The following CDK7 variants were observed in gnomAD, a reference collection of about 807,000 sequenced individuals.
The protein encoded by CDK7 is cyclin dependent kinase 7.
In CDK7, 25 loss-of-function variants were observed where a neutral mutation model predicts 49.1. The ratio of observed to expected loss-of-function variants is 0.51; its 90% confidence interval spans 0.37 to 0.71. The LOEUF is 0.71. Ranked by LOEUF, CDK7 falls within the 30% of genes least tolerant of loss-of-function variation. The pLI is 0.00. For synonymous variants in CDK7, 107 were observed against 140.0 expected, an observed-to-expected ratio of 0.76 and a Z score of 1.67; for missense variants, 316 against 411.7, an observed-to-expected ratio of 0.77 and a Z score of 2.01.
chr5:69,250,673 A>G, intron 2 of CDK7: 1 of 456,098 alleles, frequency 2.2e-6, no homozygotes, highest in South Asian at 1.5e-5. Context: ...GCTCTTCCCC[A>G]GGGCAACCAA....
intron 4 of CDK7, 60 bp downstream of exon 4, chr5:69,254,729 A>G: frequency 1.1e-6 from 1 of 889,180 alleles, no homozygotes; most frequent in Admixed American, 1.9e-5. Context: ...AATATAATGG[A>G]TGTTGATTAA....
chr5:69,269,654 T>A (rs964740459), intron 9 of CDK7, among the ~76,000 whole-genome samples: 1 of 152,092 alleles, frequency 6.6e-6, no homozygotes, highest in African/African-American at 2.4e-5. Flanking sequence ...ATACACGGTG[T>A]GAAGCCATTA....
intron 2 of CDK7, among the ~76,000 whole-genome samples, chr5:69,243,290 A>G (rs933575805): frequency 1.3e-5 from 2 of 152,244 alleles, no homozygotes; most frequent in Admixed American, 1.3e-4. Context: ...AAGAAAGACT[A>G]GAAAGACTAA....
intron 2 of CDK7, among the ~76,000 whole-genome samples, chr5:69,250,516 A>AG (rs1368322363): frequency 8.5e-5 from 13 of 152,306 alleles, no homozygotes; most frequent in African/African-American, 2.9e-4. Flanking sequence ...CTTAAGGCCC[A>AG]GGGCTCCTCA....
chr5:69,276,369 G>A (rs1276818814), intron 10 of CDK7, among the ~76,000 whole-genome samples, 174 bp from the exon 11 acceptor site: 1 of 152,138 alleles, frequency 6.6e-6, no homozygotes, highest in Non-Finnish European at 1.5e-5. Context: ...AGGATCCTAG[G>A]TATTTATTTG....
intron 8 of CDK7, among the ~76,000 whole-genome samples, chr5:69,263,538 TAAAAA>T (rs929134803): frequency 2.0e-5 from 3 of 151,762 alleles, no homozygotes; most frequent in South Asian, 4.1e-4. Flanking sequence ...TCTCTTAAAA[TAAAAA>T]AAAGTAAATT....
intron 8 of CDK7, among the ~76,000 whole-genome samples, chr5:69,264,113 G>C (rs1489429857): frequency 6.6e-6 from 1 of 151,992 alleles, no homozygotes; most frequent in Non-Finnish European, 1.5e-5. Flanking sequence ...CAAAATGAAA[G>C]GCAGACTGAA....
In CDK7 at chr5:69,269,197, T is replaced by C. The variant is rs1015582258; in HGVS notation, c.628-10T>C. 3 of 1,580,196 alleles carry C rather than the reference T, an allele frequency of 1.9e-6. No individual in the cohort carries two copies. The highest frequency in any genetic ancestry group is 1.4e-5 in the African/African-American group (1 of 72,882). ...CCACCTTGAAAAGTCTCCCTCTTAC[T>C]TTCTTTCAGGTTCCTTTTTTGCCAG... On this transcript the variant is annotated splice_polypyrimidine_tract_variant and intron_variant, in intron 8 of 11. Coordinates refer to ENST00000256443, the MANE Select transcript of CDK7 (RefSeq NM_001799.4).
intron 3 of CDK7, among the ~76,000 whole-genome samples, chr5:69,253,097 AG>A (rs1750255846): frequency 6.6e-6 from 1 of 152,178 alleles, no homozygotes; most frequent in Admixed American, 6.5e-5. Flanking sequence ...TTGAAAATTC[AG>A]GATACATTTT....
chr5:69,251,434 G>A (rs1356939520), intron 2 of CDK7, among the ~76,000 whole-genome samples: 1 of 151,940 alleles, frequency 6.6e-6, no homozygotes, highest in African/African-American at 2.4e-5. Context: ...TTGTAGAGAC[G>A]GGGTCTTGCT....
chr5:69,256,944 A>G (rs2150208557), intron 5 of CDK7, among the ~76,000 whole-genome samples: 1 of 152,316 alleles, frequency 6.6e-6, no homozygotes, highest in African/African-American at 2.4e-5. Context: ...CAAAACTGGA[A>G]CAATCCAAAC....
chr5:69,244,649 A>G (rs978801983), intron 2 of CDK7, among the ~76,000 whole-genome samples: 1 of 148,718 alleles, frequency 6.7e-6, no homozygotes, highest in African/African-American at 2.6e-5. Context: ...AAAAAAAAAA[A>G]AAAAAAAAGA....
intron 5 of CDK7, 131 bp downstream of exon 5, chr5:69,255,659 A>C (rs1170028035): frequency 1.3e-6 from 1 of 750,178 alleles, no homozygotes; most frequent in Admixed American, 1.9e-5. Context: ...ATTTGGATGT[A>C]CTCTGAGGCA....
intron 5 of CDK7, chr5:69,255,976 C>T (rs373738746): frequency 4.9e-5 from 8 of 162,538 alleles, no homozygotes; most frequent in African/African-American, 9.6e-5. Context: ...GGTGCCACCA[C>T]GCCCGGCTAA....
At chr5:69,250,995 T>A (rs1750101599) in intron 2 of CDK7, among the ~76,000 whole-genome samples, 1 of 152,008 alleles carries the variant, frequency 6.6e-6, no homozygotes, top group Non-Finnish European at 1.5e-5. Flanking sequence ...AGTGGTGCAA[T>A]CATAGCTCAC....
intron 2 of CDK7, among the ~76,000 whole-genome samples, chr5:69,239,515 C>T (rs896386314): frequency 2.2e-4 from 33 of 152,122 alleles, no homozygotes; most frequent in Non-Finnish European, 4.3e-4. Flanking sequence ...AAGCAATCCT[C>T]CAGCATCGGC....
In CDK7 at chr5:69,254,585, T is replaced by C; in HGVS notation, c.161-17T>C. 1.6e-6 allele frequency: 2 copies of C among 1,224,558 alleles called. No homozygotes were observed. Among genetic ancestry groups the C allele is most frequent in the African/African-American group, 1.5e-5 (1 of 66,148 alleles). The allele number at this position is 1,224,558 out of a possible 1,614,324, so 75.9% of individuals were successfully genotyped here. A position where few individuals can be genotyped will look rare whatever the true frequency, so the allele number is the denominator to read the frequency against. The stretch of plus-strand genomic sequence containing the variant: ...GATTTCAGAATTATTCACTTTTTGC[T>C]TTGCCTTTTTATATAGGTATAAATA... On this transcript the variant is annotated splice_polypyrimidine_tract_variant and intron_variant, in intron 3 of 11. Coordinates refer to ENST00000256443, the MANE Select transcript of CDK7 (RefSeq NM_001799.4).
intron 7 of CDK7, among the ~76,000 whole-genome samples, chr5:69,260,428 T>A (rs1342119157): frequency 6.6e-6 from 1 of 152,100 alleles, no homozygotes; most frequent in East Asian, 1.9e-4. Context: ...AAAAAATACA[T>A]AGCCCCTTTT....
intron 1 of CDK7, 24 bp from the exon 2 acceptor site, chr5:69,235,370 T>G: frequency 1.3e-6 from 2 of 1,522,938 alleles, no homozygotes; most frequent in Non-Finnish European, 9.1e-7. Flanking sequence ...CATAAACTTA[T>G]GTTATTTCTA....
Sources: allele counts gnomAD v4.1 joint callset (sites outside exome capture counted in the v4.1 genomes callset), GRCh38; gene constraint gnomAD v4.1.1; transcripts MANE v1.5; gene names NCBI Gene and HGNC (gene_info 2026-07-23, HGNC 2026-07-21).